TBC1D9: variants seen among roughly 807,000 people sequenced by gnomAD.
The protein encoded by TBC1D9 is TBC1 domain family member 9.
In TBC1D9, 63 loss-of-function variants were observed where a neutral mutation model predicts 132.0. That is an observed-to-expected ratio of 0.48 (90% CI 0.39 to 0.59). The LOEUF (loss-of-function observed/expected upper bound fraction) is 0.59, where lower values mean the gene tolerates loss of function less well. Ranked by LOEUF, TBC1D9 falls within the 20% of genes least tolerant of loss-of-function variation. The pLI is 0.00. For missense variants in TBC1D9, 1,261 were observed against 1,592.7 expected, an observed-to-expected ratio of 0.79 and a Z score of 3.54; for synonymous variants, 610 against 609.9, an observed-to-expected ratio of 1.00 and a Z score of 0.00.
At chr4:140,626,627 C>T (rs74515090) in intron 18 of TBC1D9, among the ~76,000 whole-genome samples, 1 of 152,116 alleles carries the variant, frequency 6.6e-6, no homozygotes, top group Non-Finnish European at 1.5e-5. Context: ...ACTGCAGTAG[C>T]AAGCCAAAAG....
chr4:140,642,519 C>T (rs1737019983), intron 13 of TBC1D9: 4 of 1,167,072 alleles, frequency 3.4e-6, no homozygotes, highest in Non-Finnish European at 5.1e-6. Context: ...TGAAGGGTGA[C>T]TTCAACTTGT....
chr4:140,717,383 G>GT (rs1738351794), intron 1 of TBC1D9, among the ~76,000 whole-genome samples: 1 of 152,170 alleles, frequency 6.6e-6, no homozygotes, highest in African/African-American at 2.4e-5. Flanking sequence ...TCTTCTAACC[G>GT]TAGAGGCCTT....
At chr4:140,711,226 C>T (rs992589297) in intron 1 of TBC1D9, among the ~76,000 whole-genome samples, 10 of 152,196 alleles carry the variant, frequency 6.6e-5, no homozygotes, top group African/African-American at 2.4e-4. Context: ...ACAGCTGCTT[C>T]TGTGTGCAAC....
intron 1 of TBC1D9, among the ~76,000 whole-genome samples, chr4:140,727,951 T>C (rs978576602): frequency 6.6e-6 from 1 of 152,264 alleles, no homozygotes; most frequent in Non-Finnish European, 1.5e-5. Context: ...GCTAATTAAA[T>C]TCTTTCTCCA....
At chr4:140,689,672 T>TCCC in intron 2 of TBC1D9, among the ~76,000 whole-genome samples, 1 of 16,320 alleles carries the variant, frequency 6.1e-5, no homozygotes, top group East Asian at 2.5e-3. Context: ...CCCTCCCCTT[T>TCCC]CTCCTTCCTC....
In TBC1D9 at chr4:140,726,100, C is replaced by A. The variant is rs528419046; in HGVS notation, c.131-24486G>T. On this transcript the variant is annotated intron_variant, in intron 1 of 20. Coordinates refer to ENST00000442267, the MANE Select transcript of TBC1D9 (RefSeq NM_015130.3). ...GGTCAGGATTTCAAGACCAGCCTGG[C>A]CAATATGGCAAAACCCCGTCTCTAC... Among the ~76,000 whole-genome samples the A allele has an allele frequency of 3.7e-4, 56 of 152,118 alleles. 1 individual carries two copies. The highest frequency in any genetic ancestry group is 1.3e-3 in the African/African-American group (55 of 41,506).
intron 1 of TBC1D9, among the ~76,000 whole-genome samples, chr4:140,731,668 T>TACACACACAC (rs56768107): frequency 4.8e-5 from 7 of 147,122 alleles, no homozygotes; most frequent in Non-Finnish European, 1.1e-4. Context: ...TTAAAACACA[T>TACACACACAC]ACACACACAC....
intron 2 of TBC1D9, among the ~76,000 whole-genome samples, chr4:140,700,032 C>T (rs976517590): frequency 6.6e-6 from 1 of 152,140 alleles, no homozygotes. Flanking sequence ...TGCAGTGGCT[C>T]ATGCTTGCAA....
intron 15 of TBC1D9, among the ~76,000 whole-genome samples, chr4:140,636,633 C>T (rs1233694877): frequency 6.6e-6 from 1 of 152,168 alleles, no homozygotes; most frequent in African/African-American, 2.4e-5. Flanking sequence ...GCACTCCACC[C>T]TCCCACCTCA....
intron 10 of TBC1D9, among the ~76,000 whole-genome samples, 195 bp from the exon 11 acceptor site, chr4:140,659,900 C>A (rs1737330591): frequency 6.6e-6 from 1 of 152,114 alleles, no homozygotes; most frequent in African/African-American, 2.4e-5. Flanking sequence ...TTTTATGACC[C>A]TGTAAAAACA....
intron 6 of TBC1D9, among the ~76,000 whole-genome samples, chr4:140,671,674 CTGTGTGTGTGTGTGTGTGTGTG>C (rs34072180): frequency 7.1e-6 from 1 of 141,722 alleles, no homozygotes; most frequent in East Asian, 2.1e-4. Context: ...AACTACCAGA[CTGTGTGTGTGTGTGTGTGTGTG>C]TGTGTGTGTG....
intron 9 of TBC1D9, among the ~76,000 whole-genome samples, chr4:140,664,963 C>T (rs1037055480): frequency 1.3e-5 from 2 of 151,886 alleles, no homozygotes; most frequent in East Asian, 1.9e-4. Flanking sequence ...AAAAATTAGC[C>T]AGGCGTGGTG....
At chr4:140,656,941 A>G (rs1437861239) in intron 13 of TBC1D9, among the ~76,000 whole-genome samples, 156 bp downstream of exon 13, 1 of 152,234 alleles carries the variant, frequency 6.6e-6, no homozygotes, top group Non-Finnish European at 1.5e-5. Flanking sequence ...TAACCTGCCA[A>G]TGCCTTGATT....
chr4:140,736,498 C>T (rs887578365), intron 1 of TBC1D9, among the ~76,000 whole-genome samples: 1 of 152,028 alleles, frequency 6.6e-6, no homozygotes, highest in African/African-American at 2.4e-5. Flanking sequence ...CAAGATCATG[C>T]CGCTGTACTC....
intron 1 of TBC1D9, among the ~76,000 whole-genome samples, chr4:140,718,682 C>A (rs529361300): frequency 6.6e-6 from 1 of 152,264 alleles, no homozygotes; most frequent in Middle Eastern, 3.4e-3. Context: ...GAGCACCCAG[C>A]AGTCTAAGGA....
At chr4:140,685,463 A>G (rs1737765013) in intron 3 of TBC1D9, among the ~76,000 whole-genome samples, 1 of 152,128 alleles carries the variant, frequency 6.6e-6, no homozygotes, top group Non-Finnish European at 1.5e-5. Context: ...CTAGTAAAAA[A>G]CCAGAATTGT....
At position 140,654,261 on chromosome 4, in the gene TBC1D9, C is replaced by T. The variant is rs182013584; in HGVS notation, c.2337+2836G>A. 8.5e-5 allele frequency among the ~76,000 whole-genome samples: 13 copies of T among 152,206 alleles called. No homozygotes were observed. The East Asian group carries it at 1.9e-3, about 23-fold the overall frequency. ...GGGGTCGGGTTGTACAATCTAATCCCGGTTGGCTAAACATTTGATTTTTTT... is the reference window on the plus strand; with the variant it reads ...GGGGTCGGGTTGTACAATCTAATCCTGGTTGGCTAAACATTTGATTTTTTT... On this transcript the variant is annotated intron_variant, in intron 13 of 20. Transcript: ENST00000442267.
intron 2 of TBC1D9, among the ~76,000 whole-genome samples, chr4:140,698,166 C>CT (rs138615405): frequency 0.014 from 2,203 of 152,302 alleles, 46 homozygotes; most frequent in South Asian, 0.055. Context: ...CCAGATGGCA[C>CT]TTTCACTTCT....
intron 13 of TBC1D9, chr4:140,644,004 T>C (rs1737056448): frequency 3.9e-6 from 2 of 518,344 alleles, no homozygotes; most frequent in African/African-American, 1.9e-5. Flanking sequence ...CCGCAGCGGC[T>C]CTGGGATCTT....
Sources: gnomAD v4.1 joint callset for allele counts (sites outside exome capture counted in the v4.1 genomes callset) on GRCh38, gnomAD v4.1.1 for gene constraint, MANE v1.5 for transcripts, NCBI Gene and HGNC (gene_info 2026-07-23, HGNC 2026-07-21) for gene names.